Variants in TLN2 observed in about 807,000 individuals in gnomAD.
The protein encoded by TLN2 is talin 2.
In TLN2, 118 loss-of-function variants were observed where a neutral mutation model predicts 294.7. That is an observed-to-expected ratio of 0.40 (90% CI 0.34 to 0.47). The LOEUF (loss-of-function observed/expected upper bound fraction) is 0.47, where lower values mean the gene tolerates loss of function less well. TLN2 is among the 20% of genes least tolerant of loss of function. The pLI is 0.84. For missense variants in TLN2, 3,083 were observed against 3,282.2 expected (o/e 0.94, Z 1.48); for synonymous variants, 1,431 against 1,304.5 (o/e 1.10, Z -2.09).
intron 28 of TLN2, among the ~76,000 whole-genome samples, chr15:62,727,790 C>T (rs1306537419): frequency 6.6e-6 from 1 of 152,172 alleles, no homozygotes; most frequent in Non-Finnish European, 1.5e-5. Context: ...GAAGTCTATA[C>T]ATATCTCAAA....
chr15:62,696,830 G>A (rs1433297276), intron 14 of TLN2, among the ~76,000 whole-genome samples: 1 of 152,200 alleles, frequency 6.6e-6, no homozygotes, highest in Non-Finnish European at 1.5e-5. Flanking sequence ...CTCTAGAGGC[G>A]ATGAAACATC....
intron 44 of TLN2, among the ~76,000 whole-genome samples, chr15:62,781,675 A>C (rs115153030): frequency 6.6e-6 from 1 of 152,340 alleles, no homozygotes; most frequent in African/African-American, 2.4e-5. Context: ...TTATCTGATG[A>C]AATCAAGTTA....
chr15:62,668,623 C>T (rs2055014570), intron 9 of TLN2, among the ~76,000 whole-genome samples: 1 of 152,164 alleles, frequency 6.6e-6, no homozygotes, highest in Admixed American at 6.5e-5. Context: ...CGTAGTGGCC[C>T]AGAGCATGGT....
chr15:62,673,068 T>TGTGTGTGTG (rs1266665767), intron 9 of TLN2, among the ~76,000 whole-genome samples: 2 of 33,420 alleles, frequency 6.0e-5, no homozygotes, highest in Non-Finnish European at 1.7e-4. Flanking sequence ...ATATCCTAAT[T>TGTGTGTGTG]TAATTGTGTG....
Position 62,708,688 on chromosome 15 carries a change from C to G in TLN2, c.2359C>G (p.His787Asp). 6.2e-7 allele frequency: 1 copy of G among 1,614,084 alleles called. No homozygotes were observed. Among genetic ancestry groups the G allele is most frequent in the South Asian group, 1.1e-5 (1 of 91,080 alleles). ...CCAGGCCCTCCATGATCTCCTGCAG[C>G]ATGTGCGGCAGTTTGCCAGCCGAGG... ...VSQALHDLLQHVRQFASRGEP... is the reference protein window; with the variant it reads ...VSQALHDLLQDVRQFASRGEP... Residue 787 changes from histidine (H) to aspartate (D), a missense_variant, in exon 21 of 59, where the codon CAT becomes GAT. His to Asp is a moderately conservative substitution (Grantham distance 81). Coordinates refer to ENST00000636159, the MANE Select transcript of TLN2 (RefSeq NM_015059.3).
chr15:62,510,027 G>A (rs985252057), intron 1 of TLN2, among the ~76,000 whole-genome samples: 9 of 152,220 alleles, frequency 5.9e-5, no homozygotes, highest in African/African-American at 1.9e-4. Context: ...TTAGCGAATA[G>A]GGAAAGTTTT....
chr15:62,753,691 A>C, intron 35 of TLN2, 82 bp from the exon 36 acceptor site: 2 of 1,481,892 alleles, frequency 1.3e-6, no homozygotes, highest in Non-Finnish European at 1.8e-6. Flanking sequence ...TGACAGCTGC[A>C]TGTGTAGTGC....
At chr15:62,684,765 T>G (rs1395814184) in intron 11 of TLN2, among the ~76,000 whole-genome samples, 1 of 151,764 alleles carries the variant, frequency 6.6e-6, no homozygotes, top group African/African-American at 2.4e-5. Context: ...AATTATGGCT[T>G]TACCACTCAC....
intron 1 of TLN2, among the ~76,000 whole-genome samples, chr15:62,440,846 G>T (rs1251640756): frequency 2.0e-5 from 3 of 152,132 alleles, no homozygotes; most frequent in African/African-American, 7.2e-5. Context: ...CCTGTGTGGT[G>T]CTCAGCAAAT....
intron 1 of TLN2, among the ~76,000 whole-genome samples, chr15:62,402,838 C>A (rs546832585): frequency 4.6e-5 from 7 of 152,328 alleles, no homozygotes; most frequent in Admixed American, 2.0e-4. Flanking sequence ...ATCCTGTCCT[C>A]TCTTGGCTTT....
intron 1 of TLN2, among the ~76,000 whole-genome samples, chr15:62,534,966 G>A (rs1028968482): frequency 1.3e-5 from 2 of 152,202 alleles, no homozygotes; most frequent in Non-Finnish European, 2.9e-5. Context: ...TGCGACTTCC[G>A]GGAAGTCCTG....
chr15:62,633,165 G>GGCCCTGGAGGCAGATAT (rs2050070979), intron 3 of TLN2, among the ~76,000 whole-genome samples: 1 of 152,296 alleles, frequency 6.6e-6, no homozygotes, highest in East Asian at 1.9e-4. Context: ...GCAAGGCACG[G>GGCCCTGGAGGCAGATAT]GCCCTGGAGG....
chr15:62,518,252 C>T (rs1004608297), intron 1 of TLN2, among the ~76,000 whole-genome samples: 2 of 152,024 alleles, frequency 1.3e-5, no homozygotes, highest in East Asian at 1.9e-4. Flanking sequence ...TTGGTCAGGC[C>T]GGTGTTGAAC....
chr15:62,731,792 A>G (rs376087622), intron 28 of TLN2, among the ~76,000 whole-genome samples: 3 of 152,312 alleles, frequency 2.0e-5, no homozygotes, highest in African/African-American at 7.2e-5. Flanking sequence ...CAGTGTCTTC[A>G]AATAAATGTT....
intron 3 of TLN2, among the ~76,000 whole-genome samples, chr15:62,625,827 C>A (rs148944661): frequency 2.0e-5 from 3 of 152,178 alleles, no homozygotes; most frequent in African/African-American, 7.2e-5. Flanking sequence ...CTGGAGAGGG[C>A]AGAGATCTGA....
chr15:62,675,621 G>A (rs535793368), intron 11 of TLN2, among the ~76,000 whole-genome samples: 12 of 152,176 alleles, frequency 7.9e-5, no homozygotes, highest in Non-Finnish European at 1.8e-4. Flanking sequence ...TCCTTCTCCT[G>A]ACAATGTTTC....
intron 11 of TLN2, among the ~76,000 whole-genome samples, chr15:62,679,694 T>A (rs1023641006): frequency 1.6e-4 from 25 of 152,172 alleles, no homozygotes; most frequent in African/African-American, 5.5e-4. Flanking sequence ...ACTGTGGTTT[T>A]AAAAATAACA....
intron 9 of TLN2, among the ~76,000 whole-genome samples, chr15:62,668,840 T>C (rs1245388760): frequency 6.6e-6 from 1 of 152,236 alleles, no homozygotes; most frequent in East Asian, 1.9e-4. Flanking sequence ...GCAGCTGTTT[T>C]AATTGTAGAA....
chr15:62,618,039 TCCTCCCGC>T (rs2048456257), intron 2 of TLN2, among the ~76,000 whole-genome samples: 1 of 150,938 alleles, frequency 6.6e-6, no homozygotes, highest in South Asian at 2.1e-4. Flanking sequence ...GCTCAAATGA[TCCTCCCGC>T]CTTGGCCTCT....
Sources: gnomAD v4.1 joint callset for allele counts (sites outside exome capture counted in the v4.1 genomes callset) on GRCh38, gnomAD v4.1.1 for gene constraint, MANE v1.5 for transcripts, NCBI Gene and HGNC (gene_info 2026-07-23, HGNC 2026-07-21) for gene names.